The following TMEM132D variants were observed in gnomAD, a reference collection of about 807,000 sequenced individuals.
TMEM132D encodes mature OL transmembrane protein.
In TMEM132D, 21 loss-of-function variants were observed where a neutral mutation model predicts 62.3. The observed-to-expected ratio is 0.34, with a 90% CI of 0.24 to 0.49. The LOEUF (loss-of-function observed/expected upper bound fraction) is 0.49, where lower values mean the gene tolerates loss of function less well. Ranked by LOEUF, TMEM132D falls within the 20% of genes least tolerant of loss-of-function variation. The pLI, the probability that TMEM132D is intolerant of heterozygous loss-of-function variation, is 0.99. For missense variants in TMEM132D, 1,346 were observed against 1,402.8 expected (o/e 0.96, Z 0.65); for synonymous variants, 621 against 575.6 (o/e 1.08, Z -1.13).
At chr12:129,254,706 G>A (rs1880356151) in intron 4 of TMEM132D, among the ~76,000 whole-genome samples, 2 of 152,122 alleles carry the variant, frequency 1.3e-5, no homozygotes, top group Non-Finnish European at 2.9e-5. Flanking sequence ...ACCACATCCA[G>A]CACAGGCACC....
In TMEM132D at chr12:129,074,328, C is replaced by G. The variant is rs754537377; in HGVS notation, c.2847G>C (p.Gln949His). The change falls in exon 9 of 9, where the codon CAG (glutamine) becomes CAC (histidine). Residue 949 changes from glutamine to histidine, a missense_variant. Physicochemically the swap from Gln to His is conservative, Grantham distance 24. Transcript: ENST00000422113. ...VTFALKYRHKQVPFEEQEGMS... is the reference protein window; with the variant it reads ...VTFALKYRHKHVPFEEQEGMS... The stretch of plus-strand genomic sequence containing the variant: ...TCCCTTCCTGCTCCTCGAAGGGAAC[C>G]TGTTTGTGTCTGTATTTTAATGCAA... The G allele has an allele frequency of 6.2e-7, 1 of 1,614,084 alleles. No individual in the cohort carries two copies. Among genetic ancestry groups the G allele is most frequent in the Non-Finnish European group, 8.5e-7 (1 of 1,180,030 alleles).
chr12:129,875,581 C>T (rs1357307145), intron 1 of TMEM132D, among the ~76,000 whole-genome samples: 7 of 152,080 alleles, frequency 4.6e-5, no homozygotes, highest in East Asian at 1.9e-4. Context: ...GGGAGACACA[C>T]GGACATCCAG....
In TMEM132D at chr12:129,228,084, T is replaced by A. The variant is rs563851667; in HGVS notation, c.1300-18421A>T. On this transcript the variant is annotated intron_variant, in intron 4 of 8. Coordinates refer to ENST00000422113, the MANE Select transcript of TMEM132D (RefSeq NM_133448.3). ...TTTATAATCCTTAGCTGGGCAACATTGGGTGGATGGTAACAAAACATGGTG... is the reference window on the plus strand; with the variant it reads ...TTTATAATCCTTAGCTGGGCAACATAGGGTGGATGGTAACAAAACATGGTG... 2.0e-5 allele frequency among the ~76,000 whole-genome samples: 3 copies of A among 152,248 alleles called. No homozygotes were observed. In the East Asian group the frequency reaches 5.8e-4, roughly 29 times the overall value.
chr12:129,884,464 A>C (rs1267665502), intron 1 of TMEM132D, among the ~76,000 whole-genome samples: 1 of 152,264 alleles, frequency 6.6e-6, no homozygotes, highest in African/African-American at 2.4e-5. Context: ...ATTTGAACAG[A>C]TATTTTACCC....
intron 3 of TMEM132D, among the ~76,000 whole-genome samples, chr12:129,348,553 C>G (rs976076055): frequency 6.6e-6 from 1 of 151,838 alleles, no homozygotes; most frequent in East Asian, 2.0e-4. Flanking sequence ...CAGGGCCTGT[C>G]GGGGGTAGTG....
chr12:129,514,326 G>A (rs937554080), intron 3 of TMEM132D, among the ~76,000 whole-genome samples: 6 of 152,056 alleles, frequency 3.9e-5, no homozygotes, highest in African/African-American at 1.4e-4. Flanking sequence ...ACTAGTTGGA[G>A]CTGGATTTTC....
chr12:129,390,168 G>C (rs914373758), intron 3 of TMEM132D, among the ~76,000 whole-genome samples: 32 of 152,168 alleles, frequency 2.1e-4, no homozygotes, highest in African/African-American at 7.5e-4. Context: ...GTAGATCATG[G>C]TCTACACCAG....
intron 5 of TMEM132D, among the ~76,000 whole-genome samples, chr12:129,137,141 ATCATT>A (rs1253834599): frequency 3.3e-5 from 1 of 30,684 alleles, no homozygotes; most frequent in Non-Finnish European, 1.5e-4. Flanking sequence ...CACCATCACT[ATCATT>A]GTCATCACTA....
chr12:129,751,039 G>A (rs1797996178), intron 1 of TMEM132D, among the ~76,000 whole-genome samples: 1 of 152,190 alleles, frequency 6.6e-6, no homozygotes, highest in Non-Finnish European at 1.5e-5. Flanking sequence ...GTTTGGCAGT[G>A]TTGGGCCCAC....
intron 1 of TMEM132D, among the ~76,000 whole-genome samples, chr12:129,861,223 T>G (rs2137368219): frequency 6.6e-6 from 1 of 152,308 alleles, no homozygotes; most frequent in East Asian, 1.9e-4. Context: ...AATAGATAAC[T>G]TTGAGAAAAT....
chr12:129,167,167 AAAAC>A (rs1176824894), intron 5 of TMEM132D, among the ~76,000 whole-genome samples: 4,508 of 59,606 alleles, frequency 0.076, 151 homozygotes, highest in African/African-American at 0.28. Flanking sequence ...TTAAAAAAAA[AAAAC>A]AAAAAAAAAA....
chr12:129,760,782 A>G (rs147807421), intron 1 of TMEM132D, among the ~76,000 whole-genome samples: 2,116 of 151,894 alleles, frequency 0.014, 53 homozygotes, highest in African/African-American at 0.048. Context: ...TGCATGCATT[A>G]GGAATTTGTC....
intron 2 of TMEM132D, among the ~76,000 whole-genome samples, chr12:129,687,376 T>G (rs1880957651): frequency 1.3e-5 from 2 of 152,110 alleles, no homozygotes; most frequent in African/African-American, 2.4e-5. Context: ...GAGTCTGCAG[T>G]GAACATCTGT....
intron 1 of TMEM132D, among the ~76,000 whole-genome samples, chr12:129,763,050 G>C (rs978479154): frequency 6.6e-6 from 1 of 152,178 alleles, no homozygotes; most frequent in Non-Finnish European, 1.5e-5. Context: ...AAATCAGAGA[G>C]TGTAAACTGG....
chr12:129,882,215 C>T, intron 1 of TMEM132D, among the ~76,000 whole-genome samples: 1 of 152,108 alleles, frequency 6.6e-6, no homozygotes, highest in African/African-American at 2.4e-5. Flanking sequence ...GTTCTAGCTC[C>T]AAATGTGTAG....
intron 3 of TMEM132D, among the ~76,000 whole-genome samples, chr12:129,449,987 T>C (rs1873224024): frequency 6.6e-6 from 1 of 152,250 alleles, no homozygotes; most frequent in Admixed American, 6.5e-5. Context: ...TGAGCTTTTT[T>C]CCATATGATT....
intron 3 of TMEM132D, among the ~76,000 whole-genome samples, chr12:129,359,756 T>C (rs978840942): frequency 3.5e-4 from 53 of 152,128 alleles, no homozygotes; most frequent in African/African-American, 1.2e-3. Flanking sequence ...AAATACTTAC[T>C]CCCACTGAGA....
intron 3 of TMEM132D, among the ~76,000 whole-genome samples, chr12:129,416,311 T>A (rs1872119380): frequency 6.6e-6 from 1 of 152,226 alleles, no homozygotes; most frequent in South Asian, 2.1e-4. Flanking sequence ...TAATTCTCTT[T>A]GTAGCAATTG....
At chr12:129,136,616 T>A (rs747284964) in intron 5 of TMEM132D, among the ~76,000 whole-genome samples, 15 of 152,158 alleles carry the variant, frequency 9.9e-5, no homozygotes, top group Non-Finnish European at 1.6e-4. Flanking sequence ...ATTATCACCA[T>A]CATCATAATC....
Sources: gnomAD v4.1 joint callset for allele counts (sites outside exome capture counted in the v4.1 genomes callset) on GRCh38, gnomAD v4.1.1 for gene constraint, MANE v1.5 for transcripts, NCBI Gene and HGNC (gene_info 2026-07-23, HGNC 2026-07-21) for gene names.